The following SRGAP2B variants were observed in gnomAD, a reference collection of about 807,000 sequenced individuals.
SRGAP2B encodes the protein SLIT-ROBO Rho GTPase-activating protein 2B.
In SRGAP2B, 9 loss-of-function variants were observed where a neutral mutation model predicts 22.2. The ratio of observed to expected loss-of-function variants is 0.41; its 90% CI spans 0.24 to 0.71. The LOEUF is 0.71. Among genes scored for constraint, SRGAP2B ranks in the 30% least tolerant of loss-of-function variants. The pLI, the probability that SRGAP2B is intolerant of heterozygous loss-of-function variation, is 0.35. For synonymous variants in SRGAP2B, 36 were observed against 87.4 expected (o/e 0.41, Z 3.28); for missense variants, 114 against 235.8 (o/e 0.48, Z 3.38).
At chr1:144,913,083 C>T (rs1323175952) in intron 5 of SRGAP2B, among the ~76,000 whole-genome samples, 1 of 147,188 alleles carries the variant, frequency 6.8e-6, no homozygotes, top group Non-Finnish European at 1.5e-5. Context: ...CAGCTTACGC[C>T]CTTTCACTTA....
At chr1:144,930,844 T>C (rs1423234156) in intron 4 of SRGAP2B, among the ~76,000 whole-genome samples, 1 of 149,594 alleles carries the variant, frequency 6.7e-6, no homozygotes, top group African/African-American at 2.5e-5. Context: ...TACCCTGTCC[T>C]GGAATTAGAG....
intron 4 of SRGAP2B, chr1:144,918,357 G>C (rs1553604033): frequency 6.7e-6 from 1 of 148,870 alleles, no homozygotes; most frequent in Non-Finnish European, 1.5e-5. Context: ...AAGTGTGATG[G>C]TGTGCTCAGG....
At chr1:144,927,258 T>C (rs1465237227) in intron 4 of SRGAP2B, among the ~76,000 whole-genome samples, 1 of 149,582 alleles carries the variant, frequency 6.7e-6, no homozygotes, top group Non-Finnish European at 1.5e-5. Flanking sequence ...CCAATCTATA[T>C]TCTTATATAT....
intron 4 of SRGAP2B, among the ~76,000 whole-genome samples, chr1:144,922,912 G>A (rs1222533834): frequency 6.6e-6 from 1 of 151,214 alleles, no homozygotes; most frequent in African/African-American, 2.5e-5. Context: ...TAACCCACAA[G>A]TAATGCTAGT....
chr1:144,965,412 G>A (rs587711930), intron 3 of SRGAP2B, among the ~76,000 whole-genome samples: 1 of 140,694 alleles, frequency 7.1e-6, no homozygotes, highest in African/African-American at 2.9e-5. Context: ...TATTCCAACA[G>A]ACCTGCAGCT....
At chr1:144,966,949 A>AAT (rs1668131306) in intron 3 of SRGAP2B, among the ~76,000 whole-genome samples, 1 of 142,296 alleles carries the variant, frequency 7.0e-6, no homozygotes, top group Non-Finnish European at 1.5e-5. Flanking sequence ...AACTATCCTA[A>AAT]ATATATATGC....
At chr1:144,940,722 G>A (rs2101874343) in intron 4 of SRGAP2B, among the ~76,000 whole-genome samples, 1 of 146,062 alleles carries the variant, frequency 6.8e-6, no homozygotes, top group African/African-American at 2.6e-5. Flanking sequence ...AGAATCACTT[G>A]AACCCGGGAG....
chr1:144,939,819 C>G (rs1357798051), intron 4 of SRGAP2B, among the ~76,000 whole-genome samples: 2 of 147,256 alleles, frequency 1.4e-5, no homozygotes, highest in Non-Finnish European at 3.0e-5. Context: ...TACTCTCCAC[C>G]CTCAAAATGA....
chr1:145,002,605 C>A (rs1553620152), intron 2 of SRGAP2B, among the ~76,000 whole-genome samples: 1 of 149,200 alleles, frequency 6.7e-6, no homozygotes, highest in Admixed American at 6.7e-5. Context: ...AACAAAAAAA[C>A]CACTTTGCCT....
At chr1:145,090,491 G>T (rs587637068) in intron 2 of SRGAP2B, among the ~76,000 whole-genome samples, 2 of 149,974 alleles carry the variant, frequency 1.3e-5, no homozygotes, top group South Asian at 4.2e-4. Context: ...TCCCTGGGTT[G>T]AGGTAAGGAT....
chr1:145,006,895 A>G (rs1553621194), intron 2 of SRGAP2B, among the ~76,000 whole-genome samples: 2 of 150,870 alleles, frequency 1.3e-5, no homozygotes, highest in Admixed American at 6.6e-5. Context: ...AAGCTGAGTG[A>G]TTAAGAGGAT....
At chr1:144,957,124 T>C (rs1450687199) in intron 3 of SRGAP2B, among the ~76,000 whole-genome samples, 2 of 150,562 alleles carry the variant, frequency 1.3e-5, no homozygotes, top group African/African-American at 5.0e-5. Context: ...TCACTGCAAA[T>C]AATAACTATC....
rs1249872518 is a variant in SRGAP2B at position 144,956,976 on chromosome 1, G to A, written c.261-1375C>T. Among the ~76,000 whole-genome samples, 3 of 150,448 alleles carry A rather than the reference G, an allele frequency of 2.0e-5. 1 individual carries two copies. The highest frequency in any genetic ancestry group is 7.5e-5 in the African/African-American group (3 of 40,064). Reference sequence around the variant, plus strand: ...AAACCCCACAACTACCTGATGAGGTGGGTGTTATTAACCACATTTGGAAGA... The same window carrying A: ...AAACCCCACAACTACCTGATGAGGTAGGTGTTATTAACCACATTTGGAAGA... On this transcript the variant is annotated intron_variant, in intron 3 of 9. Transcript: ENST00000612199.
At chr1:144,970,553 C>T (rs1164845322) in intron 3 of SRGAP2B, among the ~76,000 whole-genome samples, 2 of 111,152 alleles carry the variant, frequency 1.8e-5, no homozygotes, top group Non-Finnish European at 3.5e-5. Flanking sequence ...TGCTAGATGA[C>T]GAGTTAGTGG....
At chr1:145,019,824 C>T (rs1419986921) in intron 2 of SRGAP2B, among the ~76,000 whole-genome samples, 2 of 149,132 alleles carry the variant, frequency 1.3e-5, no homozygotes, top group Non-Finnish European at 3.0e-5. Flanking sequence ...TCCTCCCTTC[C>T]TCCTAAAAAC....
At position 145,031,672 on chromosome 1, in the gene SRGAP2B, C is replaced by T. The variant is rs4607909; in HGVS notation, c.68-36472G>A. On this transcript the variant is annotated intron_variant, in intron 2 of 9. Transcript: ENST00000612199. ...ACCATCCTGGCTAACACGGTGAAAC[C>T]CCGTCTCTACTAAAAATACAAAAAA... 9.8e-5 allele frequency among the ~76,000 whole-genome samples: 14 copies of T among 142,530 alleles called. 1 individual carries two copies. The highest frequency in any genetic ancestry group is 7.5e-4 in the Admixed American group (11 of 14,744). 93.5% of individuals were successfully genotyped at this position (142,530 alleles called of 152,430 possible).
intron 3 of SRGAP2B, among the ~76,000 whole-genome samples, chr1:144,962,868 T>C (rs1667780903): frequency 6.6e-6 from 1 of 151,778 alleles, no homozygotes; most frequent in Admixed American, 6.5e-5. Context: ...CTAGCCACTA[T>C]TCTAGGAATA....
chr1:144,983,125 G>A (rs1354208272), intron 3 of SRGAP2B, among the ~76,000 whole-genome samples: 9 of 148,120 alleles, frequency 6.1e-5, no homozygotes, highest in Non-Finnish European at 8.8e-5. Flanking sequence ...TTTCCCTCCC[G>A]GGAGCTTCAT....
intron 2 of SRGAP2B, among the ~76,000 whole-genome samples, chr1:145,012,306 A>G (rs1672113677): frequency 3.4e-5 from 5 of 147,330 alleles, no homozygotes; most frequent in Admixed American, 3.4e-4. Flanking sequence ...ATGAATCAAG[A>G]GCTGTTTTTT....
Sources: gnomAD v4.1 joint callset for allele counts (sites outside exome capture counted in the v4.1 genomes callset) on GRCh38, gnomAD v4.1.1 for gene constraint, MANE v1.5 for transcripts, NCBI Gene and HGNC (gene_info 2026-07-23, HGNC 2026-07-21) for gene names.